The following GABRB2 variants were observed in gnomAD, a reference collection of about 807,000 sequenced individuals.
GABRB2 encodes gamma-aminobutyric acid type A receptor subunit beta2, also known as gamma-aminobutyric acid receptor subunit beta-2.
In GABRB2, 16 loss-of-function variants were observed where a neutral mutation model predicts 54.7. The ratio of observed to expected loss-of-function variants is 0.29; its 90% CI spans 0.20 to 0.44. The LOEUF is 0.44. Ranked by LOEUF, GABRB2 falls within the 20% of genes least tolerant of loss-of-function variation. GABRB2 has a pLI of 1.00. For synonymous variants in GABRB2, 244 were observed against 233.8 expected, an observed-to-expected ratio of 1.04 and a Z score of -0.40; for missense variants, 355 against 644.0, an observed-to-expected ratio of 0.55 and a Z score of 4.86.
At chr5:161,486,431 G>T (rs1269517832) in intron 3 of GABRB2, among the ~76,000 whole-genome samples, 1 of 151,872 alleles carries the variant, frequency 6.6e-6, no homozygotes, top group Non-Finnish European at 1.5e-5. Flanking sequence ...TGGAAAATGC[G>T]CACTGTAAGG....
chr5:161,517,965 C>T (rs1471721228), intron 3 of GABRB2, among the ~76,000 whole-genome samples: 1 of 151,952 alleles, frequency 6.6e-6, no homozygotes, highest in Admixed American at 6.5e-5. Context: ...CCCGCCACCA[C>T]GCCCGGCTAA....
intron 4 of GABRB2, among the ~76,000 whole-genome samples, chr5:161,419,940 C>A (rs1171657789): frequency 1.3e-5 from 2 of 152,074 alleles, no homozygotes; most frequent in African/African-American, 4.8e-5. Flanking sequence ...GAAACCTGAT[C>A]ATGTAACCTC....
chr5:161,336,705 T>G lies in GABRB2; in HGVS notation c.606A>C (p.Val202=). The change falls in exon 6 of 10, where the codon GTA becomes GTC. Residue 202 remains valine (V), a synonymous_variant. Transcript: ENST00000393959. ...AGAACTGTGGAAGTTCAATTTTCGTTACTCCTGTTACTGCATTATCATCGC... is the reference window on the plus strand; with the variant it reads ...AGAACTGTGGAAGTTCAATTTTCGTGACTCCTGTTACTGCATTATCATCGC... ...WRGDDNAVTG[V]TKIELPQFSI... 6.2e-7 allele frequency: 1 copy of G among 1,613,404 alleles called. No individual in the cohort carries two copies. Among genetic ancestry groups the G allele is most frequent in the Non-Finnish European group, 8.5e-7 (1 of 1,179,692 alleles).
At chr5:161,439,237 TG>T (rs1428722481) in intron 4 of GABRB2, among the ~76,000 whole-genome samples, 7 of 152,306 alleles carry the variant, frequency 4.6e-5, no homozygotes, top group Middle Eastern at 6.8e-3. Context: ...CAAGAGACAG[TG>T]GCGTGACATA....
At chr5:161,334,649 T>C in intron 7 of GABRB2, 103 bp downstream of exon 7, 1 of 1,175,436 alleles carries the variant, frequency 8.5e-7, no homozygotes, top group East Asian at 2.4e-5. Flanking sequence ...GAGGTTCAGT[T>C]GCGTCATGCA....
intron 3 of GABRB2, among the ~76,000 whole-genome samples, chr5:161,532,400 C>T (rs191626141): frequency 6.6e-6 from 1 of 152,196 alleles, no homozygotes. Context: ...TCAAATTTCA[C>T]TATAAAACTA....
intron 3 of GABRB2, among the ~76,000 whole-genome samples, chr5:161,539,905 G>A (rs1170954899): frequency 6.6e-6 from 1 of 152,142 alleles, no homozygotes; most frequent in Non-Finnish European, 1.5e-5. Flanking sequence ...ATACTTTATT[G>A]CTAGAAAATA....
chr5:161,316,983 G>A (rs992719107), intron 9 of GABRB2, among the ~76,000 whole-genome samples: 2 of 152,000 alleles, frequency 1.3e-5, no homozygotes, highest in Admixed American at 1.3e-4. Context: ...TAATTATCTT[G>A]TGTTACTCCA....
chr5:161,482,948 G>A (rs1238074482), intron 3 of GABRB2, among the ~76,000 whole-genome samples: 1 of 151,992 alleles, frequency 6.6e-6, no homozygotes, highest in Non-Finnish European at 1.5e-5. Context: ...TCCACACAAT[G>A]ATAGTTCCAC....
Position 161,293,980 on chromosome 5 carries a change from T to C in GABRB2, c.*101A>G. On this transcript the variant is annotated 3_prime_UTR_variant, in exon 10 of 10. Coordinates refer to ENST00000393959, the MANE Select transcript of GABRB2 (RefSeq NM_001371727.1). ...GGCCAGCAACTAAGGTATTTTAGCGTCACTTTTGTCCTGGATTGATGTGTT... is the reference window on the plus strand; with the variant it reads ...GGCCAGCAACTAAGGTATTTTAGCGCCACTTTTGTCCTGGATTGATGTGTT... 1 of 905,254 alleles carries C rather than the reference T, an allele frequency of 1.1e-6. No homozygotes were observed. 56.1% of individuals were successfully genotyped at this position (905,254 alleles called of 1,614,324 possible). A position where few individuals can be genotyped will look rare whatever the true frequency, so the allele number is the denominator to read the frequency against.
chr5:161,529,367 G>A (rs1219487374), intron 3 of GABRB2, among the ~76,000 whole-genome samples: 1 of 151,956 alleles, frequency 6.6e-6, no homozygotes, highest in African/African-American at 2.4e-5. Flanking sequence ...AGACTATGTT[G>A]GAGGCGATTC....
rs577039517 is a variant in GABRB2 at position 161,397,718 on chromosome 5, T to A, written c.541+13257A>T. 8.5e-5 allele frequency among the ~76,000 whole-genome samples: 13 copies of A among 152,286 alleles called. No individual in the cohort carries two copies. The East Asian group carries it at 2.3e-3, about 27-fold the overall frequency. ...GAATCACTTCCTATATTAAAACAGT[T>A]TAACACCTTAACGACCAGTTCTGAC... is the stretch of plus-strand genomic sequence containing the variant. On this transcript the variant is annotated intron_variant, in intron 5 of 9. Coordinates refer to ENST00000393959, the MANE Select transcript of GABRB2 (RefSeq NM_001371727.1).
chr5:161,433,372 G>C (rs1757221875), intron 4 of GABRB2, among the ~76,000 whole-genome samples: 1 of 151,738 alleles, frequency 6.6e-6, no homozygotes, highest in Non-Finnish European at 1.5e-5. Flanking sequence ...GACTGAGGTG[G>C]GCGGCCTGCT....
At chr5:161,503,131 G>GT (rs776878913) in intron 3 of GABRB2, among the ~76,000 whole-genome samples, 1,686 of 146,968 alleles carry the variant, frequency 0.011, 12 homozygotes, top group African/African-American at 0.025. Flanking sequence ...TGTTGTTATT[G>GT]TTTTTTTTTT....
intron 5 of GABRB2, among the ~76,000 whole-genome samples, chr5:161,394,874 A>G (rs147997483): frequency 3.3e-5 from 5 of 152,208 alleles, no homozygotes; most frequent in African/African-American, 9.6e-5. Context: ...TAACTCTAAT[A>G]TCAGTCCTAA....
intron 3 of GABRB2, among the ~76,000 whole-genome samples, chr5:161,465,045 A>T (rs1489661710): frequency 6.6e-6 from 1 of 152,106 alleles, no homozygotes; most frequent in Non-Finnish European, 1.5e-5. Flanking sequence ...CTGTATGCAA[A>T]TAAAAAATAA....
At chr5:161,415,922 T>TTTTTGTTTTG (rs10525407) in intron 4 of GABRB2, among the ~76,000 whole-genome samples, 76,393 of 145,934 alleles carry the variant, frequency 0.52, 21,154 homozygotes, top group Non-Finnish European at 0.61. Flanking sequence ...CCCAAGTTTG[T>TTTTTGTTTTG]TTTTGTTTTG....
At position 161,293,853 on chromosome 5, in the gene GABRB2, G is replaced by C. The variant is rs1757300962; in HGVS notation, c.*228C>G. 1.9e-6 allele frequency: 1 copy of C among 526,510 alleles called. No individual in the cohort carries two copies. Among genetic ancestry groups the C allele is most frequent in the Non-Finnish European group, 3.4e-6 (1 of 294,138 alleles). 32.6% of individuals were successfully genotyped at this position (526,510 alleles called of 1,614,324 possible). On this transcript the variant is annotated 3_prime_UTR_variant, in exon 10 of 10. Transcript: ENST00000393959. Reference sequence around the variant, plus strand: ...AGCACTCAGGCTGTCTAGCCACCATGTGTAAAAATCACTTGCGTTTTAACT... The same window carrying C: ...AGCACTCAGGCTGTCTAGCCACCATCTGTAAAAATCACTTGCGTTTTAACT...
At chr5:161,355,934 CTTTA>C (rs955525947) in intron 5 of GABRB2, among the ~76,000 whole-genome samples, 2 of 152,114 alleles carry the variant, frequency 1.3e-5, no homozygotes, top group African/African-American at 4.8e-5. Flanking sequence ...CAAGAACCAA[CTTTA>C]TTTATTAATT....
Sources: gnomAD v4.1 joint callset for allele counts (sites outside exome capture counted in the v4.1 genomes callset) on GRCh38, gnomAD v4.1.1 for gene constraint, MANE v1.5 for transcripts, NCBI Gene and HGNC (gene_info 2026-07-23, HGNC 2026-07-21) for gene names.